PARVB: variants seen among roughly 807,000 people sequenced by gnomAD.
PARVB encodes beta-parvin.
In PARVB, 46 loss-of-function variants were observed where a neutral mutation model predicts 47.0. That is an observed-to-expected ratio of 0.98 (90% CI 0.77 to 1.25). The LOEUF (loss-of-function observed/expected upper bound fraction) is 1.25. Among genes scored for constraint, PARVB ranks in the 50% most tolerant of loss-of-function variants. The pLI is 0.00. For missense variants in PARVB, 473 were observed against 471.6 expected (o/e 1.00, Z -0.03); for synonymous variants, 196 against 196.3 (o/e 1.00, Z 0.01).
intron 2 of PARVB, among the ~76,000 whole-genome samples, chr22:44,009,108 G>A (rs2146850683): frequency 6.6e-6 from 1 of 152,262 alleles, no homozygotes; most frequent in South Asian, 2.1e-4. Context: ...ATTTCCTTGC[G>A]AATTTGAAAT....
intron 3 of PARVB, chr22:44,111,130 T>A (rs1299493831): frequency 6.6e-6 from 1 of 152,056 alleles, no homozygotes; most frequent in African/African-American, 2.4e-5. Flanking sequence ...AAATTTGGAA[T>A]CATTCCAGAG....
chr22:44,016,244 C>A (rs1303336317), intron 2 of PARVB, among the ~76,000 whole-genome samples: 1 of 151,946 alleles, frequency 6.6e-6, no homozygotes, highest in Non-Finnish European at 1.5e-5. Flanking sequence ...CTACAGGCAC[C>A]TGCCACCAGG....
At chr22:44,122,319 C>T (rs550140302) in intron 4 of PARVB, among the ~76,000 whole-genome samples, 15 of 151,994 alleles carry the variant, frequency 9.9e-5, no homozygotes, top group Admixed American at 2.6e-4. Context: ...AGTGGGACCT[C>T]GTCTCTACAA....
chr22:44,162,302 T>A (rs1208516002), intron 11 of PARVB, among the ~76,000 whole-genome samples: 1 of 152,234 alleles, frequency 6.6e-6, no homozygotes, highest in Non-Finnish European at 1.5e-5. Context: ...ATATGATCGT[T>A]GAAAGGATTT....
rs1763208503 is a variant in PARVB, at chr22:44,155,403, G to T, written c.844-2579G>T. Among the ~76,000 whole-genome samples, 1 of 152,152 alleles carries T rather than the reference G, an allele frequency of 6.6e-6. No homozygotes were observed. Among genetic ancestry groups the T allele is most frequent in the African/African-American group, 2.4e-5 (1 of 41,442 alleles). ...ACGCTGGGTGCTTGTGAAAGTGGAG[G>T]GTCACCCGCTCGCAGCTGGGCCCCC... is the stretch of plus-strand genomic sequence containing the variant. On this transcript the variant is annotated intron_variant, in intron 10 of 12. Coordinates refer to ENST00000338758, the MANE Select transcript of PARVB (RefSeq NM_013327.5). The surrounding 1 kb of genome is among the most constrained non-coding windows in gnomAD (Gnocchi z 4.8).
intron 3 of PARVB, among the ~76,000 whole-genome samples, chr22:44,118,214 T>TC (rs1303526618): frequency 1.3e-5 from 2 of 152,202 alleles, no homozygotes; most frequent in Non-Finnish European, 2.9e-5. Context: ...AGATGGAATA[T>TC]GATTCAGCGT....
At chr22:44,081,738 T>C in intron 1 of PARVB, 1 of 497,742 alleles carries the variant, frequency 2.0e-6, no homozygotes, top group Non-Finnish European at 2.6e-6. Context: ...TGCTGGCAAG[T>C]GGCTGGGCTC....
At chr22:44,056,279 G>A (rs945082071) in intron 1 of PARVB, among the ~76,000 whole-genome samples, 1 of 152,158 alleles carries the variant, frequency 6.6e-6, no homozygotes, top group Non-Finnish European at 1.5e-5. Flanking sequence ...TTTGTCACCT[G>A]GGAGGGGTGA....
At chr22:44,024,967 ATTT>A (rs200050006) in intron 1 of PARVB, among the ~76,000 whole-genome samples, 1 of 150,284 alleles carries the variant, frequency 6.7e-6, no homozygotes. Context: ...CCCATTAAAA[ATTT>A]TTTTTTTTAA....
chr22:44,153,384 A>G (rs1443855713), intron 10 of PARVB: 3 of 151,892 alleles, frequency 2.0e-5, no homozygotes, highest in Non-Finnish European at 4.4e-5. Flanking sequence ...GCTGGAGTGC[A>G]GTGACACAAT....
At chr22:44,076,234 T>C (rs1389716348) in intron 1 of PARVB, among the ~76,000 whole-genome samples, 1 of 152,034 alleles carries the variant, frequency 6.6e-6, no homozygotes, top group Non-Finnish European at 1.5e-5. Context: ...GGCAGCTGAG[T>C]CGTGGACTCC....
At chr22:44,060,412 T>C (rs545818518) in intron 1 of PARVB, among the ~76,000 whole-genome samples, 39 of 152,240 alleles carry the variant, frequency 2.6e-4, no homozygotes, top group African/African-American at 9.4e-4. Context: ...TAGGAAACTT[T>C]TAAATGTTTG....
rs200831620 is a variant in PARVB, at chr22:44,136,541, C to T, written c.692+23C>T. On this transcript the variant is annotated intron_variant, in intron 7 of 12. Transcript: ENST00000338758. ...AGAGTAAGTGGACCCCTGTCTTGCC[C>T]TTCCAGGCCCTGCTGCCCCGAGTGA... The T allele has an allele frequency of 7.5e-4, 1,211 of 1,606,244 alleles. 4 individuals are homozygous for T. The highest frequency in any genetic ancestry group is 2.1e-3 in the Admixed American group (124 of 60,022).
rs886903624 is a variant in PARVB at position 44,131,627 on chromosome 22, T to C, written c.517T>C (p.Ser173Pro). The C allele has an allele frequency of 1.2e-6, 2 of 1,608,858 alleles. No individual in the cohort carries two copies. Among genetic ancestry groups the C allele is most frequent in the Non-Finnish European group, 1.7e-6 (2 of 1,177,844 alleles). Reference sequence around the variant, plus strand: ...CTGGGCGCTCCGGTGGAGCGTGGACTGTGAGTTCCACGCCACAGGGGGAGG... The same window carrying C: ...CTGGGCGCTCCGGTGGAGCGTGGACCGTGAGTTCCACGCCACAGGGGGAGG... ...RGWALRWSVD[S>P]IHGKNLVAIL... Residue 173 changes from serine (S) to proline (P), a missense_variant and splice_region_variant, in exon 5 of 13, where the codon TCA becomes CCA. Coordinates refer to ENST00000338758, the MANE Select transcript of PARVB (RefSeq NM_013327.5).
rs1182438643 is a variant in PARVB at position 44,103,213 on chromosome 22, G to A, written c.273+3090G>A. The A allele has an allele frequency of 6.6e-6, 1 of 152,270 alleles. No homozygotes were observed. Among genetic ancestry groups the A allele is most frequent in the African/African-American group, 2.4e-5 (1 of 41,444 alleles). The allele number at this position is 152,270 out of a possible 1,614,324, so 9.4% of individuals were successfully genotyped here. A position where few individuals can be genotyped will look rare whatever the true frequency, so the allele number is the denominator to read the frequency against. On this transcript the variant is annotated intron_variant, in intron 3 of 12. Coordinates refer to ENST00000338758, the MANE Select transcript of PARVB (RefSeq NM_013327.5). This position sits in a 1 kb window ranked among gnomAD's most constrained non-coding sequence, Gnocchi z 4.6. ...GGGCATGGGGTGGACTGATGGGAAA[G>A]CTAATTAGCATCCTTTGGGGCAAAG...
At chr22:44,060,669 G>A (rs1167283929) in intron 1 of PARVB, among the ~76,000 whole-genome samples, 1 of 152,188 alleles carries the variant, frequency 6.6e-6, no homozygotes, top group South Asian at 2.1e-4. Flanking sequence ...CGAAGGAGAG[G>A]TCTCATAGTT....
At chr22:44,064,778 C>T (rs540181749) in intron 1 of PARVB, among the ~76,000 whole-genome samples, 1 of 152,292 alleles carries the variant, frequency 6.6e-6, no homozygotes, top group South Asian at 2.1e-4. Context: ...CACTTGAGCC[C>T]GGGAGGTGGA....
Position 44,089,029 on chromosome 22 carries a change from A to G in PARVB, c.113-4899A>G, listed in dbSNP as rs1473564324. Among the ~76,000 whole-genome samples, 1 of 152,096 alleles carries G rather than the reference A, an allele frequency of 6.6e-6. No individual in the cohort carries two copies. Among genetic ancestry groups the G allele is most frequent in the Non-Finnish European group, 1.5e-5 (1 of 68,018 alleles). On this transcript the variant is annotated intron_variant, in intron 1 of 12. Transcript: ENST00000338758. The surrounding 1 kb of genome is among the most constrained non-coding windows in gnomAD (Gnocchi z 4.0). ...TTTCCAGCTTTTCTTGAAAACTCAG[A>G]TCTGGTGACTGCAGCCTGCACTTCC...
At chr22:44,006,441 T>C (rs1404281890) in intron 2 of PARVB, among the ~76,000 whole-genome samples, 3 of 152,060 alleles carry the variant, frequency 2.0e-5, no homozygotes, top group African/African-American at 7.2e-5. Context: ...CTAACCAAAA[T>C]AGTGAAACGC....
Sources: gnomAD v4.1 joint callset for allele counts (sites outside exome capture counted in the v4.1 genomes callset) on GRCh38, gnomAD v4.1.1 for gene constraint, Gnocchi (gnomAD v3.1) non-coding constraint, MANE v1.5 for transcripts, NCBI Gene and HGNC (gene_info 2026-07-23, HGNC 2026-07-21) for gene names.